ERC1: variants seen among roughly 807,000 people sequenced by gnomAD.
ERC1 encodes ELKS/RAB6-interacting/CAST family member 1, also known as RAB6 interacting protein 2.
In ERC1, 56 loss-of-function variants were observed where a neutral mutation model predicts 132.0. The ratio of observed to expected loss-of-function variants is 0.42; its 90% CI spans 0.34 to 0.53. The LOEUF (loss-of-function observed/expected upper bound fraction) is 0.53, where lower values mean the gene tolerates loss of function less well. Ranked by LOEUF, ERC1 falls within the 20% of genes least tolerant of loss-of-function variation. The probability of loss-of-function intolerance (pLI) is 0.03; values close to 1 mark genes in which losing one functional copy is unlikely to be tolerated. For synonymous variants in ERC1, 478 were observed against 476.1 expected, an observed-to-expected ratio of 1.00 and a Z score of -0.05; for missense variants, 1,202 against 1,349.9, an observed-to-expected ratio of 0.89 and a Z score of 1.72.
At chr12:1,445,607 C>A (rs2093284245) in intron 18 of ERC1, among the ~76,000 whole-genome samples, 1 of 152,248 alleles carries the variant, frequency 6.6e-6, no homozygotes, top group African/African-American at 2.4e-5. Flanking sequence ...ATCTTTCCAG[C>A]CCCTGGTAAC....
chr12:1,057,009 G>T (rs944166556), intron 2 of ERC1, among the ~76,000 whole-genome samples: 1 of 152,174 alleles, frequency 6.6e-6, no homozygotes, highest in African/African-American at 2.4e-5. Context: ...ATATTTGAAT[G>T]ATATTGAATG....
intron 3 of ERC1, among the ~76,000 whole-genome samples, chr12:1,098,563 T>C (rs1944315520): frequency 6.6e-6 from 1 of 152,230 alleles, no homozygotes; most frequent in Non-Finnish European, 1.5e-5. Flanking sequence ...GGTGTTTGGC[T>C]TGAGCCACTG....
At chr12:1,364,015 C>G (rs2086422228) in intron 15 of ERC1, among the ~76,000 whole-genome samples, 1 of 152,210 alleles carries the variant, frequency 6.6e-6, no homozygotes, top group Non-Finnish European at 1.5e-5. Flanking sequence ...CCAGCGTGCA[C>G]TGTTGGAACT....
At chr12:1,041,917 T>G (rs1281438792) in intron 2 of ERC1, among the ~76,000 whole-genome samples, 1 of 152,146 alleles carries the variant, frequency 6.6e-6, no homozygotes, top group East Asian at 1.9e-4. Context: ...CCCAGCTAAT[T>G]TTTGTATTTT....
At chr12:1,482,312 C>G (rs781675052) in intron 18 of ERC1, among the ~76,000 whole-genome samples, 38 of 152,062 alleles carry the variant, frequency 2.5e-4, no homozygotes, top group Non-Finnish European at 4.9e-4. Flanking sequence ...AAATACCCAC[C>G]CCCCCAACCC....
rs1192005388 is a variant in ERC1 at position 1,464,525 on chromosome 12, T to G, written c.3213+19775T>G. Among the ~76,000 whole-genome samples, 4 of 137,406 alleles carry G rather than the reference T, an allele frequency of 2.9e-5. No homozygotes were observed. The South Asian group carries it at 7.1e-4, about 24-fold the overall frequency. The allele number at this position is 137,406 out of a possible 152,430, so 90.1% of individuals were successfully genotyped here. A position where few individuals can be genotyped will look rare whatever the true frequency, so the allele number is the denominator to read the frequency against. ...AATGCAAAAGCCTTTTTTTTTTTTT[T>G]TTTTTTTTTTTTGAGACAGAGTTTC... On this transcript the variant is annotated intron_variant, in intron 18 of 18. Coordinates refer to ENST00000360905, the MANE Select transcript of ERC1 (RefSeq NM_178040.4).
chr12:1,339,188 C>T (rs1031849622), intron 15 of ERC1, among the ~76,000 whole-genome samples: 12 of 138,484 alleles, frequency 8.7e-5, no homozygotes, highest in Admixed American at 3.0e-4. Flanking sequence ...CCAGGGTGCC[C>T]GCCCCCATGT....
intron 3 of ERC1, among the ~76,000 whole-genome samples, chr12:1,084,074 C>T (rs1028509309): frequency 2.0e-5 from 3 of 152,112 alleles, no homozygotes; most frequent in African/African-American, 7.2e-5. Flanking sequence ...GTAAAAGATA[C>T]GTGATAAAAA....
chr12:1,149,959 C>G (rs776067355), intron 8 of ERC1, among the ~76,000 whole-genome samples: 8 of 152,108 alleles, frequency 5.3e-5, no homozygotes, highest in Non-Finnish European at 1.0e-4. Context: ...TCTCTGGGAC[C>G]ATAGTCCCTT....
At position 1,190,054 on chromosome 12, in the gene ERC1, TAAG is replaced by T; in HGVS notation, c.2351+5_2351+7del. The T allele has an allele frequency of 6.2e-7, 1 of 1,611,454 alleles. No individual in the cohort carries two copies. The highest frequency in any genetic ancestry group is 8.5e-7 in the Non-Finnish European group (1 of 1,178,056). On this transcript the variant is annotated splice_donor_5th_base_variant and intron_variant, in intron 12 of 18. Coordinates refer to ENST00000360905, the MANE Select transcript of ERC1 (RefSeq NM_178040.4). ...TAAGAAGATAGCTGAGTTGGAAAGG[TAAG>T]AAAGTGAAGCTGATTGGGGCTTATG...
chr12:1,308,634 T>G (rs1393443706), intron 15 of ERC1, among the ~76,000 whole-genome samples: 1 of 152,208 alleles, frequency 6.6e-6, no homozygotes, highest in Non-Finnish European at 1.5e-5. Flanking sequence ...CAAAAAATAA[T>G]AGACATATTA....
chr12:1,193,490 A>G (rs1226573954), intron 12 of ERC1, among the ~76,000 whole-genome samples: 3 of 152,012 alleles, frequency 2.0e-5, no homozygotes, highest in African/African-American at 7.3e-5. Context: ...ACACACATAT[A>G]TAAACACACA....
intron 1 of ERC1, among the ~76,000 whole-genome samples, chr12:1,019,756 ACGCTGTAGTGCAGTGGAACTATCGTGGCT>A (rs1489143674): frequency 1.3e-5 from 2 of 152,082 alleles, no homozygotes; most frequent in South Asian, 2.1e-4. Flanking sequence ...CATGTCATCC[ACGCTGTAGTGCAGTGGAACTATCGTGGCT>A]CGCTGTAGTG....
In ERC1 at chr12:1,136,836, CT is replaced by C. The variant is rs1412145127; in HGVS notation, c.1570-4780del. On this transcript the variant is annotated intron_variant, in intron 7 of 18. Transcript: ENST00000360905. ...ATCCATGCATTTCTCTCTGCCTTCC[CT>C]TTTGTATCTAGTGATGTTCTCTTCA... 2.6e-5 allele frequency among the ~76,000 whole-genome samples: 4 copies of C among 152,140 alleles called. No homozygotes were observed. In the South Asian group the frequency reaches 6.2e-4, roughly 24 times the overall value.
intron 12 of ERC1, 88 bp downstream of exon 12, chr12:1,190,140 A>C (rs752549848): frequency 8.5e-7 from 1 of 1,173,186 alleles, no homozygotes. Flanking sequence ...CAGTGTATCT[A>C]ACTCTGAATT....
At chr12:1,076,380 A>ATTTTTTT (rs139225685) in intron 2 of ERC1, among the ~76,000 whole-genome samples, 1 of 140,880 alleles carries the variant, frequency 7.1e-6, no homozygotes. Flanking sequence ...TGTAGAACTG[A>ATTTTTTT]TTTTTTTTTT....
At chr12:1,034,456 A>G (rs1968680650) in intron 2 of ERC1, among the ~76,000 whole-genome samples, 1 of 152,078 alleles carries the variant, frequency 6.6e-6, no homozygotes, top group South Asian at 2.1e-4. Context: ...TAATTAAGAA[A>G]TATTGTGGAA....
intron 8 of ERC1, among the ~76,000 whole-genome samples, chr12:1,148,771 T>C (rs1950593391): frequency 6.6e-6 from 1 of 152,072 alleles, no homozygotes; most frequent in Non-Finnish European, 1.5e-5. Flanking sequence ...CCAGCTAATT[T>C]TTGTATTTTT....
In ERC1 at chr12:1,263,147, G is replaced by T; in HGVS notation, c.2601G>T (p.Arg867Ser). ...EMVLAQEESA[R>S]TNAEKQVEEL... is the part of the protein sequence containing the mutation. Reference sequence around the variant, plus strand: ...TGCTAGCACAAGAGGAATCAGCCAGGACCAATGCTGAAAAACAGGTCTGCT... The same window carrying T: ...TGCTAGCACAAGAGGAATCAGCCAGTACCAATGCTGAAAAACAGGTCTGCT... Residue 867 changes from arginine to serine, a missense_variant, in exon 14 of 19, where the codon AGG becomes AGT. Physicochemically the swap from Arg to Ser is moderately radical, Grantham distance 110. Transcript: ENST00000360905. 1 of 1,613,956 alleles carries T rather than the reference G, an allele frequency of 6.2e-7. No homozygotes were observed. The highest frequency in any genetic ancestry group is 1.1e-5 in the South Asian group (1 of 91,068).
Sources: gnomAD v4.1 joint callset for allele counts (sites outside exome capture counted in the v4.1 genomes callset) on GRCh38, gnomAD v4.1.1 for gene constraint, MANE v1.5 for transcripts, NCBI Gene and HGNC (gene_info 2026-07-23, HGNC 2026-07-21) for gene names.